SOS2: variants seen among roughly 807,000 people sequenced by gnomAD.
SOS2 encodes SOS Ras/Rho guanine nucleotide exchange factor 2, also known as son of sevenless homolog 2.
Under a neutral mutation model 148.2 loss-of-function variants are expected in SOS2, and 65 were observed. The ratio of observed to expected loss-of-function variants is 0.44; its 90% CI spans 0.36 to 0.54. The LOEUF is 0.54. Among genes scored for constraint, SOS2 ranks in the 20% least tolerant of loss-of-function variants. The probability of loss-of-function intolerance (pLI) is 0.00; values close to 1 mark genes in which losing one functional copy is unlikely to be tolerated. For synonymous variants in SOS2, 539 were observed against 537.1 expected (o/e 1.00, Z -0.05); for missense variants, 1,341 against 1,590.2 (o/e 0.84, Z 2.67).
intron 4 of SOS2, among the ~76,000 whole-genome samples, chr14:50,194,137 C>A (rs1285041294): frequency 4.6e-5 from 7 of 152,222 alleles, no homozygotes; most frequent in Non-Finnish European, 1.0e-4. Flanking sequence ...CAGCAAACTA[C>A]AGGCCAAATC....
chr14:50,138,498 T>C (rs1884159378), intron 18 of SOS2, 114 bp downstream of exon 18: 1 of 481,498 alleles, frequency 2.1e-6, no homozygotes, highest in Non-Finnish European at 3.7e-6. Flanking sequence ...TAAATTATTA[T>C]GGACTGTAGT....
In SOS2 at chr14:50,221,154, T is replaced by C. The variant is rs185063985; in HGVS notation, c.87+10043A>G. Among the ~76,000 whole-genome samples, 62 of 152,362 alleles carry C rather than the reference T, an allele frequency of 4.1e-4. No homozygotes were observed. In the East Asian group the frequency reaches 0.012, roughly 29 times the overall value. On this transcript the variant is annotated intron_variant, in intron 1 of 22. Coordinates refer to ENST00000216373, the MANE Select transcript of SOS2 (RefSeq NM_006939.4). ...TCATTCGCTCATTTATTTTACAATCTTTCACTACTCACTAGCAAGTAAATT... is the reference window on the plus strand; with the variant it reads ...TCATTCGCTCATTTATTTTACAATCCTTCACTACTCACTAGCAAGTAAATT...
intron 1 of SOS2, among the ~76,000 whole-genome samples, chr14:50,205,108 G>A (rs1285939753): frequency 6.6e-6 from 1 of 151,514 alleles, no homozygotes; most frequent in Non-Finnish European, 1.5e-5. Flanking sequence ...TTTGAGACAG[G>A]GTCTCACTCT....
intron 1 of SOS2, among the ~76,000 whole-genome samples, chr14:50,223,265 G>T (rs1465266807): frequency 6.6e-6 from 1 of 152,172 alleles, no homozygotes. Flanking sequence ...GCCGGGTGTG[G>T]TGCTTCATGC....
chr14:50,149,545 T>C (rs1884597369), intron 14 of SOS2, among the ~76,000 whole-genome samples: 1 of 152,056 alleles, frequency 6.6e-6, no homozygotes, highest in Non-Finnish European at 1.5e-5. Context: ...AGAAAAAGTT[T>C]TTGATGGAAT....
intron 1 of SOS2, among the ~76,000 whole-genome samples, chr14:50,212,378 G>T (rs764577597): frequency 9.3e-5 from 14 of 151,012 alleles, no homozygotes; most frequent in Non-Finnish European, 1.6e-4. Flanking sequence ...GGAGGCTGAG[G>T]CAGGAGAATC....
chr14:50,162,929 C>G (rs1885057504), intron 8 of SOS2, among the ~76,000 whole-genome samples: 1 of 144,876 alleles, frequency 6.9e-6, no homozygotes, highest in Non-Finnish European at 1.5e-5. Flanking sequence ...CAGGGTCTCA[C>G]TCTGTCACCC....
intron 1 of SOS2, among the ~76,000 whole-genome samples, chr14:50,215,721 A>G (rs552773658): frequency 2.2e-4 from 31 of 142,958 alleles, no homozygotes; most frequent in Non-Finnish European, 4.4e-4. Flanking sequence ...AACTTAAAGT[A>G]TAATAAAAAA....
chr14:50,160,817 T>C (rs1364684656), intron 9 of SOS2, among the ~76,000 whole-genome samples: 3 of 151,512 alleles, frequency 2.0e-5, no homozygotes, highest in African/African-American at 7.3e-5. Context: ...CTGGGCAACA[T>C]AGCAAAACCC....
chr14:50,210,738 A>T (rs933314737), intron 1 of SOS2, among the ~76,000 whole-genome samples: 2 of 152,124 alleles, frequency 1.3e-5, no homozygotes, highest in Non-Finnish European at 2.9e-5. Context: ...AAAAACCCTT[A>T]AACTAGCACT....
At chr14:50,129,224 AT>A (rs1251127549) in intron 21 of SOS2, among the ~76,000 whole-genome samples, 1 of 152,236 alleles carries the variant, frequency 6.6e-6, no homozygotes, top group Non-Finnish European at 1.5e-5. Context: ...GTAAAAAAAA[AT>A]AAGTGACTGA....
intron 18 of SOS2, among the ~76,000 whole-genome samples, chr14:50,135,642 C>CTTTTTTTTTTTT (rs56043962): frequency 7.3e-5 from 6 of 82,566 alleles, no homozygotes; most frequent in Admixed American, 1.7e-4. Flanking sequence ...ATGTGGTTTG[C>CTTTTTTTTTTTT]TTTTTTTTTT....
At chr14:50,128,156 A>AC (rs1180013626) in intron 21 of SOS2, among the ~76,000 whole-genome samples, 1 of 152,186 alleles carries the variant, frequency 6.6e-6, no homozygotes, top group Admixed American at 6.5e-5. Flanking sequence ...AGGATCCAAC[A>AC]CAGGAGGGAG....
At chr14:50,194,698 A>G (rs1886261055) in intron 4 of SOS2, among the ~76,000 whole-genome samples, 1 of 151,210 alleles carries the variant, frequency 6.6e-6, no homozygotes, top group Non-Finnish European at 1.5e-5. Flanking sequence ...GAATTGCTTG[A>G]AACTGGGAGG....
chr14:50,157,345 T>C (rs1052318737), intron 11 of SOS2, among the ~76,000 whole-genome samples: 4 of 152,056 alleles, frequency 2.6e-5, no homozygotes, highest in Non-Finnish European at 4.4e-5. Flanking sequence ...TTAGCACTGA[T>C]AATACAGAAA....
intron 8 of SOS2, among the ~76,000 whole-genome samples, chr14:50,162,618 TACTA>T (rs1594983274): frequency 6.6e-6 from 1 of 152,294 alleles, no homozygotes; most frequent in East Asian, 1.9e-4. Flanking sequence ...TAATCAAGGG[TACTA>T]ACTTTTAACA....
chr14:50,218,134 A>T (rs1022792962), intron 1 of SOS2, among the ~76,000 whole-genome samples: 6 of 149,200 alleles, frequency 4.0e-5, no homozygotes, highest in Non-Finnish European at 7.4e-5. Context: ...CCTATCTCTT[A>T]AAAACAAAAA....
chr14:50,152,910 A>G (rs1342188355), intron 13 of SOS2, among the ~76,000 whole-genome samples, 160 bp downstream of exon 13: 1 of 152,076 alleles, frequency 6.6e-6, no homozygotes, highest in Non-Finnish European at 1.5e-5. Context: ...GGTTGCAGTG[A>G]GCTGAGATGG....
In SOS2 at chr14:50,157,074, A is replaced by G. The variant is rs372085367; in HGVS notation, c.1982T>C (p.Ile661Thr). The G allele has an allele frequency of 1.9e-6, 3 of 1,612,530 alleles. No individual in the cohort carries two copies. The highest frequency in any genetic ancestry group is 1.7e-5 in the Admixed American group (1 of 59,954). The part of the protein sequence containing the change: ...PEPTDADKLA[I>T]EKGEQPISAD... ...ACTGATTGGCTGCTCGCCTTTCTCTATTGCCAATTTGTCTGCGTCAGTAGG... is the reference window on the plus strand; with the variant it reads ...ACTGATTGGCTGCTCGCCTTTCTCTGTTGCCAATTTGTCTGCGTCAGTAGG... Residue 661 changes from isoleucine (I) to threonine (T), a missense_variant, in exon 12 of 23, where the codon ATA becomes ACA. By Grantham distance (89) the Ile-to-Thr change is moderately conservative (BLOSUM62 -1). Around this residue, in one of 4 missense-constraint regions of SOS2, gnomAD observed 408 missense variants for 506.6 expected, o/e 0.81. Transcript: ENST00000216373.
Sources: allele counts gnomAD v4.1 joint callset (sites outside exome capture counted in the v4.1 genomes callset), GRCh38; gene constraint gnomAD v4.1.1; regional missense constraint gnomAD v4.1.1; transcripts MANE v1.5; gene names NCBI Gene and HGNC (gene_info 2026-07-23, HGNC 2026-07-21).